ZNF41: variants seen among roughly 807,000 people sequenced by gnomAD.
The protein encoded by ZNF41 is zinc finger protein 41.
ZNF41 carries 6 observed loss-of-function variants against 9.3 expected under a neutral mutation model. The observed-to-expected ratio is 0.65, with a 90% CI of 0.35 to 1.28. The LOEUF (loss-of-function observed/expected upper bound fraction) is 1.28, where lower values mean the gene tolerates loss of function less well. ZNF41 is among the 50% of genes most tolerant of loss of function. ZNF41 has a pLI of 0.03. For synonymous variants in ZNF41, 192 were observed against 207.1 expected, an observed-to-expected ratio of 0.93 and a Z score of 0.63; for missense variants, 523 against 585.8, an observed-to-expected ratio of 0.89 and a Z score of 1.11.
intron 1 of ZNF41, among the ~76,000 whole-genome samples, chrX:47,469,564 T>C (rs907894409): frequency 1.2e-4 from 13 of 111,179 alleles, no homozygotes; most frequent in Admixed American, 2.9e-4. Flanking sequence ...ATAAGGCTGT[T>C]ACTATTAACT....
rs1455533661 is a variant in ZNF41, at chrX:47,447,238, A to C, written c.*192T>G. Reference sequence around the variant, plus strand: ...TTCCTATGCATAGAATTGCATATACACTGTGGTGATGCAGGAACTTGTCTT... The same window carrying C: ...TTCCTATGCATAGAATTGCATATACCCTGTGGTGATGCAGGAACTTGTCTT... On this transcript the variant is annotated 3_prime_UTR_variant, in exon 5 of 5. Coordinates refer to ENST00000684689, the MANE Select transcript of ZNF41 (RefSeq NM_001324144.2). 2.0e-6 allele frequency: 1 copy of C among 497,824 alleles called. No homozygotes were observed. The highest frequency in any genetic ancestry group is 2.4e-5 in the African/African-American group (1 of 42,283). 41.0% of individuals were successfully genotyped at this position (497,824 alleles called of 1,213,427 possible).
chrX:47,456,013 T>C lies in ZNF41; in HGVS notation c.203A>G (p.Tyr68Cys). Residue 68 changes from tyrosine (Y) to cysteine (C), a missense_variant, in exon 4 of 5, where the codon TAC becomes TGC. By Grantham distance (194) the Tyr-to-Cys change is radical (BLOSUM62 -2). Transcript: ENST00000684689. The part of the protein sequence containing the change: ...ENYSHLLSVG[Y>C]QIPKSEAAFK... The stretch of plus-strand genomic sequence containing the variant: ...GGCAGCCTCTGACTTGGGAATTTGG[T>C]ACCCTGTTAACAGGACATGATACAC... 1.7e-6 allele frequency: 2 copies of C among 1,210,161 alleles called. No individual in the cohort carries two copies. Among genetic ancestry groups the C allele is most frequent in the East Asian group, 5.9e-5 (2 of 33,843 alleles).
chrX:47,464,498 C>A (rs957786448), intron 2 of ZNF41, among the ~76,000 whole-genome samples: 1 of 111,496 alleles, frequency 9.0e-6, no homozygotes, highest in Non-Finnish European at 1.9e-5. Flanking sequence ...ATACCCCGCT[C>A]CCTGATGTTT....
At chrX:47,476,037 A>G (rs2057324136) in intron 1 of ZNF41, among the ~76,000 whole-genome samples, 1 of 111,667 alleles carries the variant, frequency 9.0e-6, no homozygotes, top group Non-Finnish European at 1.9e-5. Flanking sequence ...AACTATAAGG[A>G]CACCATCAGG....
chrX:47,456,312 C>T lies in ZNF41; in HGVS notation c.159G>A (p.Trp53Ter). 8.3e-7 allele frequency: 1 copy of T among 1,210,991 alleles called. No individual in the cohort carries two copies. The highest frequency in any genetic ancestry group is 1.1e-6 in the Non-Finnish European group (1 of 895,331). Residue 53 changes from tryptophan (W) to a stop codon, truncating the protein, a stop_gained, in exon 3 of 5, where the codon TGG becomes TGA. Coordinates refer to ENST00000684689, the MANE Select transcript of ZNF41 (RefSeq NM_001324144.2). LOFTEE classifies it high-confidence loss of function. ...GGCTGTAGTTCTCTAGTGTCACATC[C>T]CAGTACAGGCGTCTCTGGGCAGGGT... The part of the protein sequence containing the change: ...HLDPAQRRLY[W>*]DVTLENYSHL...
At chrX:47,463,677 AG>A (rs1399036294) in intron 2 of ZNF41, among the ~76,000 whole-genome samples, 1 of 111,306 alleles carries the variant, frequency 9.0e-6, no homozygotes, top group Non-Finnish European at 1.9e-5. Flanking sequence ...CTCAGCCCCA[AG>A]CACATTTTGG....
chrX:47,446,323 T>A lies in ZNF41; in HGVS notation c.*1107A>T, dbSNP rs1264237839. The A allele has an allele frequency of 9.0e-6, 1 of 111,543 alleles. No individual in the cohort carries two copies. The highest frequency in any genetic ancestry group is 1.9e-5 in the Non-Finnish European group (1 of 53,168). The allele number at this position is 111,543 out of a possible 1,213,427, so 9.2% of individuals were successfully genotyped here. A position where few individuals can be genotyped will look rare whatever the true frequency, so the allele number is the denominator to read the frequency against. ...TGTAATTATGTCTTAGAATAACTAATTGCAATGCAACATGACTTTATCACA... is the reference window on the plus strand; with the variant it reads ...TGTAATTATGTCTTAGAATAACTAAATGCAATGCAACATGACTTTATCACA... On this transcript the variant is annotated 3_prime_UTR_variant, in exon 5 of 5. Transcript: ENST00000684689.
intron 2 of ZNF41, among the ~76,000 whole-genome samples, chrX:47,461,389 C>T (rs746770609): frequency 3.1e-4 from 33 of 106,878 alleles, no homozygotes; most frequent in Non-Finnish European, 3.7e-4. Context: ...TGAGCCACCG[C>T]GCCTGGCCAG....
At chrX:47,459,122 G>A (rs1178651341) in intron 2 of ZNF41, among the ~76,000 whole-genome samples, 1 of 109,729 alleles carries the variant, frequency 9.1e-6, no homozygotes, top group African/African-American at 3.3e-5. Flanking sequence ...GGCTGAGGCA[G>A]GTGGATCACT....
At chrX:47,467,955 T>A (rs56996355) in intron 1 of ZNF41, among the ~76,000 whole-genome samples, 195 bp from the exon 2 acceptor site, 1,661 of 112,049 alleles carry the variant, frequency 0.015, 39 homozygotes, top group African/African-American at 0.051. Flanking sequence ...CTCATAGGGT[T>A]GTTAGAATTA....
At chrX:47,469,822 ATCG>A (rs2057127377) in intron 1 of ZNF41, among the ~76,000 whole-genome samples, 2 of 111,058 alleles carry the variant, frequency 1.8e-5, no homozygotes, top group Non-Finnish European at 1.9e-5. Context: ...GTGAGCCGAG[ATCG>A]TGCCACTGCA....
intron 1 of ZNF41, among the ~76,000 whole-genome samples, chrX:47,477,434 G>A (rs1427291006): frequency 8.9e-6 from 1 of 112,892 alleles, no homozygotes; most frequent in Admixed American, 9.4e-5. Flanking sequence ...GTGAGCCACC[G>A]TGCCCAGCTG....
chrX:47,467,217 G>A, intron 2 of ZNF41, 193 bp downstream of exon 2: 1 of 910,489 alleles, frequency 1.1e-6, no homozygotes, highest in Non-Finnish European at 1.5e-6. Context: ...AAACACACGG[G>A]GCTTTGGATG....
intron 2 of ZNF41, among the ~76,000 whole-genome samples, chrX:47,456,735 A>G (rs1192221175): frequency 8.9e-6 from 1 of 112,214 alleles, no homozygotes; most frequent in Non-Finnish European, 1.9e-5. Flanking sequence ...AGAGTTGAGT[A>G]AAATATAAAG....
intron 2 of ZNF41, among the ~76,000 whole-genome samples, chrX:47,464,616 AAAG>A (rs1340335605): frequency 1.8e-5 from 2 of 111,790 alleles, no homozygotes; most frequent in African/African-American, 6.5e-5. Context: ...TGTGGTTGGG[AAAG>A]AAGAGATGAA....
intron 2 of ZNF41, among the ~76,000 whole-genome samples, chrX:47,459,742 T>TAAAAAA (rs768291943): frequency 6.2e-4 from 10 of 16,151 alleles, no homozygotes; most frequent in Admixed American, 1.7e-3. Context: ...AGACCCTATC[T>TAAAAAA]AAAAAAAAAA....
rs749697685 is a variant in ZNF41 at position 47,447,502 on chromosome X, A to G, written c.2268T>C (p.Phe756=). 32 of 1,208,876 alleles carry G rather than the reference A, an allele frequency of 2.6e-5. No individual in the cohort carries two copies. In the South Asian group the frequency reaches 5.6e-4, roughly 21 times the overall value. The part of the protein sequence containing the change: ...PYACTECQKA[F]TDRSNLIKHQ... ...GTTTAATGAGATTCGATCTGTCAGT[A>G]AAGGCCTTCTGACATTCTGTACAAG... The change falls in exon 5 of 5, where the codon TTT becomes TTC. Residue 756 remains phenylalanine (F), a synonymous_variant. Coordinates refer to ENST00000684689, the MANE Select transcript of ZNF41 (RefSeq NM_001324144.2).
chrX:47,458,637 T>TA (rs1213831928), intron 2 of ZNF41, among the ~76,000 whole-genome samples: 1 of 111,412 alleles, frequency 9.0e-6, no homozygotes, highest in African/African-American at 3.3e-5. Flanking sequence ...CTAAGGCGTT[T>TA]AAAAAAAATT....
intron 4 of ZNF41, among the ~76,000 whole-genome samples, chrX:47,455,283 TAAAATTA>T (rs2056516792): frequency 6.1e-5 from 5 of 82,441 alleles, no homozygotes; most frequent in African/African-American, 2.1e-4. Context: ...AAATTAAAAT[TAAAATTA>T]AAAAAAAAAA....
Sources: gnomAD v4.1 joint callset for allele counts (sites outside exome capture counted in the v4.1 genomes callset) on GRCh38, gnomAD v4.1.1 for gene constraint, MANE v1.5 for transcripts, NCBI Gene and HGNC (gene_info 2026-07-23, HGNC 2026-07-21) for gene names.